HTR4: variants seen among roughly 807,000 people sequenced by gnomAD.
The protein encoded by HTR4 is 5-hydroxytryptamine (serotonin) receptor 4, G protein-coupled.
Under a neutral mutation model 36.8 loss-of-function variants are expected in HTR4, and 16 were observed. The observed-to-expected ratio is 0.43, with a 90% CI of 0.29 to 0.66. The LOEUF (loss-of-function observed/expected upper bound fraction) is 0.66, where lower values mean the gene tolerates loss of function less well. Among genes scored for constraint, HTR4 ranks in the 30% least tolerant of loss-of-function variants. The pLI is 0.13. For missense variants in HTR4, 438 were observed against 490.9 expected (o/e 0.89, Z 1.02); for synonymous variants, 189 against 185.1 (o/e 1.02, Z -0.17).
intron 6 of HTR4, chr5:148,490,908 C>G (rs1466519799): frequency 2.2e-6 from 1 of 448,414 alleles, no homozygotes; most frequent in Admixed American, 2.5e-5. Context: ...CTCAGCATCC[C>G]CAGTTCCTTC....
At chr5:148,518,605 C>T (rs1280630736) in intron 5 of HTR4, among the ~76,000 whole-genome samples, 2 of 152,016 alleles carry the variant, frequency 1.3e-5, no homozygotes, top group African/African-American at 4.8e-5. Flanking sequence ...TAATGTCATT[C>T]CTCTCACCCA....
chr5:148,611,304 GC>G (rs1189173840), intron 2 of HTR4, among the ~76,000 whole-genome samples: 1 of 152,014 alleles, frequency 6.6e-6, no homozygotes, highest in Non-Finnish European at 1.5e-5. Flanking sequence ...TCAAAGGGAA[GC>G]CCATCAGACT....
chr5:148,546,889 C>T (rs1353467827), intron 4 of HTR4, among the ~76,000 whole-genome samples: 1 of 152,142 alleles, frequency 6.6e-6, no homozygotes, highest in African/African-American at 2.4e-5. Context: ...CTTTAAAAGT[C>T]TTTCATGTAC....
At chr5:148,643,067 G>C (rs1009652732) in intron 1 of HTR4, among the ~76,000 whole-genome samples, 1 of 152,072 alleles carries the variant, frequency 6.6e-6, no homozygotes, top group African/African-American at 2.4e-5. Flanking sequence ...TAAATAAAAA[G>C]TTTATAGCCA....
chr5:148,524,973 C>T (rs964481810), intron 4 of HTR4, among the ~76,000 whole-genome samples: 1 of 152,240 alleles, frequency 6.6e-6, no homozygotes, highest in African/African-American at 2.4e-5. Context: ...TCCTACAAGG[C>T]ACTGAGGAGC....
At chr5:148,650,429 A>C (rs1485254255) in intron 1 of HTR4, among the ~76,000 whole-genome samples, 4 of 152,244 alleles carry the variant, frequency 2.6e-5, no homozygotes, top group Non-Finnish European at 5.9e-5. Flanking sequence ...CCTATGAATA[A>C]GTCTATTTGG....
At chr5:148,600,683 C>T (rs141463885) in intron 2 of HTR4, among the ~76,000 whole-genome samples, 8 of 151,580 alleles carry the variant, frequency 5.3e-5, no homozygotes, top group African/African-American at 1.4e-4. Flanking sequence ...GCAAAAGATC[C>T]GTACGCTGAC....
At chr5:148,614,949 A>G (rs1752600513) in intron 2 of HTR4, among the ~76,000 whole-genome samples, 1 of 152,218 alleles carries the variant, frequency 6.6e-6, no homozygotes, top group African/African-American at 2.4e-5. Flanking sequence ...ATCACTGGCC[A>G]TCAGAGAAAT....
chr5:148,597,379 A>G (rs1240182043), intron 2 of HTR4, among the ~76,000 whole-genome samples: 1 of 152,176 alleles, frequency 6.6e-6, no homozygotes, highest in Non-Finnish European at 1.5e-5. Context: ...CAGTGAGGGT[A>G]ATGTGTTTAA....
rs1758123474 is a variant in HTR4, at chr5:148,523,508, A to T, written c.354-162T>A. 2.0e-5 allele frequency among the ~76,000 whole-genome samples: 3 copies of T among 152,100 alleles called. No individual in the cohort carries two copies. The South Asian group carries it at 6.2e-4, about 32-fold the overall frequency. On this transcript the variant is annotated intron_variant, in intron 4 of 6. Transcript: ENST00000377888. Reference sequence around the variant, plus strand: ...AGAGTCGGAGGGGAAGCAGAGAATAAAAATAAGGAAATAAAAGAAAGAATA... The same window carrying T: ...AGAGTCGGAGGGGAAGCAGAGAATATAAATAAGGAAATAAAAGAAAGAATA...
intron 2 of HTR4, among the ~76,000 whole-genome samples, chr5:148,567,908 A>G (rs932093519): frequency 6.6e-6 from 1 of 152,126 alleles, no homozygotes; most frequent in Non-Finnish European, 1.5e-5. Flanking sequence ...TCCCACCAAT[A>G]GATAAGTGCC....
chr5:148,477,964 C>T (rs749191560), downstream of HTR4, among the ~76,000 whole-genome samples: 4 of 152,180 alleles, frequency 2.6e-5, no homozygotes, highest in Non-Finnish European at 4.4e-5. Flanking sequence ...AAAACACCCC[C>T]TTGCCCATCT....
intron 2 of HTR4, chr5:148,628,536 C>A (rs1387679692): frequency 6.6e-6 from 1 of 151,970 alleles, no homozygotes; most frequent in Non-Finnish European, 1.5e-5. Flanking sequence ...ATTATATATA[C>A]CTTAGGAGAT....
intron 2 of HTR4, among the ~76,000 whole-genome samples, chr5:148,632,056 A>G (rs1753341463): frequency 6.6e-6 from 1 of 152,164 alleles, no homozygotes; most frequent in Non-Finnish European, 1.5e-5. Context: ...CTTTCCCTGG[A>G]AAATTCTTCT....
At chr5:148,649,194 A>G (rs1286442856) in intron 1 of HTR4, among the ~76,000 whole-genome samples, 1 of 152,156 alleles carries the variant, frequency 6.6e-6, no homozygotes, top group Non-Finnish European at 1.5e-5. Context: ...CATTATTTAA[A>G]TTAAATCTGA....
intron 1 of HTR4, among the ~76,000 whole-genome samples, chr5:148,646,930 T>C (rs1407160453): frequency 2.0e-5 from 3 of 152,186 alleles, no homozygotes; most frequent in Non-Finnish European, 2.9e-5. Context: ...AACCCAGATC[T>C]CAATGATCCC....
chr5:148,549,076 C>T (rs1455529591), intron 3 of HTR4, among the ~76,000 whole-genome samples: 3 of 152,182 alleles, frequency 2.0e-5, no homozygotes, highest in Admixed American at 6.5e-5. Flanking sequence ...GAAGACCCAG[C>T]GTGGTCCAGC....
intron 4 of HTR4, among the ~76,000 whole-genome samples, chr5:148,530,011 G>C (rs1758476613): frequency 6.6e-6 from 1 of 152,162 alleles, no homozygotes; most frequent in South Asian, 2.1e-4. Context: ...TTTCCACCAG[G>C]AAGAAATTTC....
chr5:148,538,855 G>T (rs757160238), intron 4 of HTR4, among the ~76,000 whole-genome samples: 1 of 151,974 alleles, frequency 6.6e-6, no homozygotes, highest in African/African-American at 2.4e-5. Context: ...AACATTCTTT[G>T]CAGAAGTAGA....
Sources: gnomAD v4.1 joint callset for allele counts (sites outside exome capture counted in the v4.1 genomes callset) on GRCh38, gnomAD v4.1.1 for gene constraint, MANE v1.5 for transcripts, NCBI Gene and HGNC (gene_info 2026-07-23, HGNC 2026-07-21) for gene names.